Variants in RAB27A observed in about 807,000 individuals in gnomAD.
The protein encoded by RAB27A is RAB27A, member RAS oncogene family.
RAB27A carries 17 observed loss-of-function variants against 20.8 expected under a neutral mutation model. That is an observed-to-expected ratio of 0.82 (90% CI 0.56 to 1.23). The LOEUF is 1.23. Among genes scored for constraint, RAB27A ranks in the 50% most tolerant of loss-of-function variants. The probability of loss-of-function intolerance (pLI) is 0.00; values close to 1 mark genes in which losing one functional copy is unlikely to be tolerated. For synonymous variants in RAB27A, 85 were observed against 92.8 expected (o/e 0.92, Z 0.48); for missense variants, 277 against 266.7 (o/e 1.04, Z -0.27).
intron 6 of RAB27A, among the ~76,000 whole-genome samples, chr15:55,210,565 G>A (rs915673609): frequency 5.3e-5 from 8 of 151,982 alleles, no homozygotes; most frequent in South Asian, 2.1e-4. Flanking sequence ...GCCATTTGCA[G>A]ATCTTTTGAG....
chr15:55,261,747 A>G (rs1276218340), intron 2 of RAB27A, among the ~76,000 whole-genome samples: 1 of 147,482 alleles, frequency 6.8e-6, no homozygotes, highest in Non-Finnish European at 1.5e-5. Flanking sequence ...CATCTTTTTG[A>G]AAAGTTTTCG....
intron 2 of RAB27A, among the ~76,000 whole-genome samples, chr15:55,295,873 A>ATTT (rs112752067): frequency 6.9e-6 from 1 of 144,878 alleles, no homozygotes; most frequent in Non-Finnish European, 1.5e-5. Context: ...TTTTGCTTCA[A>ATTT]TTTTTTTTTT....
intron 2 of RAB27A, among the ~76,000 whole-genome samples, chr15:55,308,253 G>A (rs775109358): frequency 1.6e-4 from 25 of 152,090 alleles, no homozygotes; most frequent in African/African-American, 5.6e-4. Context: ...GCTGTACAGC[G>A]AATAATAATC....
At chr15:55,230,361 C>G in intron 4 of RAB27A, 40 bp downstream of exon 4, 2 of 1,540,834 alleles carry the variant, frequency 1.3e-6, no homozygotes, top group Non-Finnish European at 1.8e-6. Context: ...CTATTTTTCC[C>G]TTTCCTTCAG....
intron 2 of RAB27A, among the ~76,000 whole-genome samples, chr15:55,309,109 C>T (rs139465779): frequency 2.6e-5 from 4 of 152,276 alleles, no homozygotes; most frequent in East Asian, 1.9e-4. Flanking sequence ...CTTCAGGTGT[C>T]CATCTTACTA....
At chr15:55,312,238 G>A (rs531069236) in intron 2 of RAB27A, among the ~76,000 whole-genome samples, 124 of 152,258 alleles carry the variant, frequency 8.1e-4, no homozygotes, top group Admixed American at 2.6e-4. Flanking sequence ...CTGCGACAGC[G>A]GCAAACAACA....
At chr15:55,212,691 G>A (rs550803099) in intron 6 of RAB27A, among the ~76,000 whole-genome samples, 4 of 152,106 alleles carry the variant, frequency 2.6e-5, no homozygotes, top group East Asian at 1.9e-4. Context: ...CACCACGCCC[G>A]TTTAATTTTT....
rs763886782 is a variant in RAB27A at position 55,224,050 on chromosome 15, T to C, written c.344-38A>G. ...GAAAGTTTATTATATATGTAAATAA[T>C]AATGTAAGTGTATGATCAGTGAACA... On this transcript the variant is annotated intron_variant, in intron 5 of 6. Coordinates refer to ENST00000336787, the MANE Select transcript of RAB27A (RefSeq NM_183235.3). 4.1e-6 allele frequency: 6 copies of C among 1,464,842 alleles called. No homozygotes were observed. In the East Asian group the frequency reaches 1.4e-4, roughly 34 times the overall value. The allele number at this position is 1,464,842 out of a possible 1,614,324, so 90.7% of individuals were successfully genotyped here.
intron 1 of RAB27A, among the ~76,000 whole-genome samples, chr15:55,275,457 T>A (rs974900744): frequency 2.0e-5 from 3 of 151,640 alleles, no homozygotes; most frequent in East Asian, 3.9e-4. Context: ...CAAAACCCCA[T>A]CTCTACTAAA....
intron 2 of RAB27A, among the ~76,000 whole-genome samples, chr15:55,241,621 T>TAC (rs2141009408): frequency 3.8e-5 from 5 of 131,586 alleles, no homozygotes; most frequent in African/African-American, 1.9e-4. Context: ...TATATATATA[T>TAC]ATATGTGTGT....
chr15:55,257,975 G>A (rs541002968), intron 2 of RAB27A, among the ~76,000 whole-genome samples: 21 of 150,648 alleles, frequency 1.4e-4, no homozygotes, highest in African/African-American at 4.6e-4. Context: ...GCTGAGGCAC[G>A]AGAATTGCTT....
chr15:55,284,920 T>C (rs897360320), intron 1 of RAB27A, among the ~76,000 whole-genome samples: 1 of 152,200 alleles, frequency 6.6e-6, no homozygotes, highest in African/African-American at 2.4e-5. Flanking sequence ...ATCTTCTCTT[T>C]TGGATACATG....
At chr15:55,224,232 GGA>G (rs1895707558) in intron 5 of RAB27A, among the ~76,000 whole-genome samples, 1 of 152,160 alleles carries the variant, frequency 6.6e-6, no homozygotes, top group Admixed American at 6.5e-5. Flanking sequence ...TATTGATATC[GGA>G]GAGTTTATAG....
intron 1 of RAB27A, among the ~76,000 whole-genome samples, chr15:55,275,392 CAA>C (rs1346997084): frequency 6.6e-6 from 1 of 152,110 alleles, no homozygotes; most frequent in African/African-American, 2.4e-5. Context: ...TTTGGGAACC[CAA>C]AGAGGGCAGA....
chr15:55,312,220 C>T (rs901186427), intron 2 of RAB27A, among the ~76,000 whole-genome samples: 2 of 152,116 alleles, frequency 1.3e-5, no homozygotes, highest in African/African-American at 2.4e-5. Flanking sequence ...TGGAAGTCAG[C>T]GGCGGGTCTG....
At chr15:55,299,167 A>T (rs1016458602) in intron 2 of RAB27A, among the ~76,000 whole-genome samples, 4 of 152,258 alleles carry the variant, frequency 2.6e-5, no homozygotes, top group African/African-American at 7.2e-5. Context: ...TTATGTTTAG[A>T]GATTGCAGTA....
chr15:55,242,749 G>A (rs550743015), intron 2 of RAB27A, among the ~76,000 whole-genome samples: 2 of 152,228 alleles, frequency 1.3e-5, no homozygotes, highest in African/African-American at 4.8e-5. Flanking sequence ...GTATCTGGGT[G>A]ATTTTTGGTA....
intron 2 of RAB27A, among the ~76,000 whole-genome samples, chr15:55,302,210 T>A (rs1361100078): frequency 5.4e-5 from 8 of 147,860 alleles, no homozygotes; most frequent in Non-Finnish European, 1.0e-4. Flanking sequence ...TGAGACCTCA[T>A]CTCAAAAACA....
intron 1 of RAB27A, among the ~76,000 whole-genome samples, chr15:55,275,918 TAAAAAAAAA>T (rs60106785): frequency 9.6e-6 from 1 of 104,142 alleles, no homozygotes; most frequent in Non-Finnish European, 1.8e-5. Context: ...GATGGCTAAT[TAAAAAAAAA>T]AAAAAAAAAA....
Sources: gnomAD v4.1 joint callset for allele counts (sites outside exome capture counted in the v4.1 genomes callset) on GRCh38, gnomAD v4.1.1 for gene constraint, MANE v1.5 for transcripts, NCBI Gene and HGNC (gene_info 2026-07-23, HGNC 2026-07-21) for gene names.